KANK1: variants seen among roughly 807,000 people sequenced by gnomAD.
KANK1 encodes KN motif and ankyrin repeat domains 1.
KANK1 carries 109 observed loss-of-function variants against 106.2 expected under a neutral mutation model. That is an observed-to-expected ratio of 1.03 (90% CI 0.88 to 1.20). The LOEUF (loss-of-function observed/expected upper bound fraction) is 1.20. KANK1 is among the 50% of genes most tolerant of loss of function. The pLI is 0.00. For synonymous variants in KANK1, 873 were observed against 652.2 expected, an observed-to-expected ratio of 1.34 and a Z score of -5.16; for missense variants, 2,399 against 1,710.7, an observed-to-expected ratio of 1.40 and a Z score of -7.10.
intron 1 of KANK1, among the ~76,000 whole-genome samples, chr9:599,012 T>C (rs912085977): frequency 4.3e-5 from 6 of 140,512 alleles, no homozygotes; most frequent in Non-Finnish European, 7.8e-5. Flanking sequence ...TTTGTATTTA[T>C]TATTATTATT....
intron 2 of KANK1, among the ~76,000 whole-genome samples, chr9:701,086 T>C (rs1409692425): frequency 2.0e-5 from 3 of 152,170 alleles, no homozygotes; most frequent in African/African-American, 7.2e-5. Flanking sequence ...CGTAGTGTTA[T>C]TGGCCCCAAT....
intron 2 of KANK1, among the ~76,000 whole-genome samples, chr9:707,432 C>T (rs1824670481): frequency 6.6e-6 from 1 of 152,282 alleles, no homozygotes; most frequent in Non-Finnish European, 1.5e-5. Context: ...ATCAGCCTGC[C>T]TGACAGCCAA....
At chr9:569,602 C>T (rs903224) in intron 1 of KANK1, among the ~76,000 whole-genome samples, 94,833 of 151,908 alleles carry the variant, frequency 0.62, 30,471 homozygotes, top group South Asian at 0.74. Context: ...AATACCTTTT[C>T]TGTATAAATT....
intron 1 of KANK1, among the ~76,000 whole-genome samples, chr9:586,218 A>G (rs888412156): frequency 1.3e-5 from 2 of 152,248 alleles, no homozygotes; most frequent in Non-Finnish European, 2.9e-5. Context: ...ATTCATGCCC[A>G]GTGACATCTG....
intron 1 of KANK1, among the ~76,000 whole-genome samples, chr9:515,027 T>C (rs1393152861): frequency 6.6e-6 from 1 of 151,830 alleles, no homozygotes; most frequent in African/African-American, 2.4e-5. Flanking sequence ...CTTTTTATTT[T>C]ATTGCATAGC....
chr9:597,139 G>T (rs577520039), intron 1 of KANK1, among the ~76,000 whole-genome samples: 7 of 151,758 alleles, frequency 4.6e-5, no homozygotes, highest in African/African-American at 7.3e-5. Context: ...ATAGATTTTT[G>T]ATTTTTTCCC....
At chr9:580,695 C>A (rs1821860229) in intron 1 of KANK1, among the ~76,000 whole-genome samples, 1 of 152,262 alleles carries the variant, frequency 6.6e-6, no homozygotes, top group African/African-American at 2.4e-5. Context: ...ACTCAGGAGT[C>A]CAGCTGGCTT....
chr9:716,459 A>G (rs1827716603), intron 3 of KANK1, among the ~76,000 whole-genome samples: 1 of 152,230 alleles, frequency 6.6e-6, no homozygotes, highest in Non-Finnish European at 1.5e-5. Flanking sequence ...ATTCTGGGTG[A>G]TGCCCCTACC....
rs114625699 is a variant in KANK1 at position 740,847 on chromosome 9, G to A, written c.3609G>A (p.Ala1203=). 4,004 of 1,613,944 alleles carry A rather than the reference G, an allele frequency of 2.5e-3. 4 individuals are homozygous for A. Among genetic ancestry groups the A allele is most frequent in the Middle Eastern group, 4.0e-3 (24 of 6,062 alleles). The part of the protein sequence containing the change: ...NKAGYTPIML[A]ALAAVEAEKD... Reference sequence around the variant, plus strand: ...CAGGCTACACCCCCATCATGTTGGCGGCCCTCGCCGCTGTGGAAGCAGAGA... The same window carrying A: ...CAGGCTACACCCCCATCATGTTGGCAGCCCTCGCCGCTGTGGAAGCAGAGA... The change falls in exon 9 of 12, where the codon GCG becomes GCA. Residue 1203 remains alanine (A), a synonymous_variant. Transcript: ENST00000382297.
At position 623,612 on chromosome 9, in the gene KANK1, A is replaced by G. The variant is rs536722150; in HGVS notation, c.-83-53278A>G. 2.1e-3 allele frequency among the ~76,000 whole-genome samples: 312 copies of G among 151,954 alleles called. 1 individual carries two copies. Among genetic ancestry groups the G allele is most frequent in the African/African-American group, 7.2e-3 (299 of 41,470 alleles). On this transcript the variant is annotated intron_variant, in intron 1 of 11. Transcript: ENST00000382297. ...AGAGTGAGATTGTGTCTCAAAAAAA[A>G]AAAAGAAAAAGAAAAAAAAAAGAAA...
At chr9:517,248 C>G (rs2059323592) in intron 1 of KANK1, among the ~76,000 whole-genome samples, 3 of 151,604 alleles carry the variant, frequency 2.0e-5, no homozygotes, top group Non-Finnish European at 2.9e-5. Flanking sequence ...GGAGTACAGG[C>G]ATGCACCACC....
At chr9:684,595 C>G in intron 2 of KANK1, 1 of 985,030 alleles carries the variant, frequency 1.0e-6, no homozygotes, top group Non-Finnish European at 1.2e-6. Context: ...GCATTTATTT[C>G]TGATTATGCA....
intron 3 of KANK1, among the ~76,000 whole-genome samples, chr9:727,727 TGTGG>T (rs1831121886): frequency 6.6e-6 from 1 of 152,070 alleles, no homozygotes; most frequent in African/African-American, 2.4e-5. Context: ...TATGTGTGTG[TGTGG>T]TAATGTATTT....
chr9:670,541 GTGGTA>G, intron 1 of KANK1, among the ~76,000 whole-genome samples: 1 of 152,248 alleles, frequency 6.6e-6, no homozygotes, highest in Non-Finnish European at 1.5e-5. Flanking sequence ...AGCTATCCCT[GTGGTA>G]TGGAAAGGCT....
chr9:662,888 C>T (rs143195471), intron 1 of KANK1, among the ~76,000 whole-genome samples: 1,694 of 152,268 alleles, frequency 0.011, 45 homozygotes, highest in African/African-American at 0.039. Flanking sequence ...TCTCAAACTC[C>T]TGACCTCAGG....
chr9:535,680 A>G (rs1288649762), intron 1 of KANK1, among the ~76,000 whole-genome samples: 5 of 152,174 alleles, frequency 3.3e-5, no homozygotes, highest in Non-Finnish European at 7.4e-5. Flanking sequence ...TTGGAGCTCC[A>G]CTTGCTTGGT....
intron 1 of KANK1, among the ~76,000 whole-genome samples, chr9:648,408 A>G (rs1840188992): frequency 6.6e-6 from 1 of 152,172 alleles, no homozygotes; most frequent in African/African-American, 2.4e-5. Flanking sequence ...GTATATGTAT[A>G]AGATTTGCCA....
intron 1 of KANK1, among the ~76,000 whole-genome samples, chr9:505,434 C>T (rs1256565170): frequency 6.6e-6 from 1 of 152,218 alleles, no homozygotes; most frequent in Non-Finnish European, 1.5e-5. Context: ...CCCGCGGTTC[C>T]AGGTCGAGGG....
chr9:681,720 C>G (rs1016206518), intron 2 of KANK1, among the ~76,000 whole-genome samples: 1 of 152,148 alleles, frequency 6.6e-6, no homozygotes, highest in African/African-American at 2.4e-5. Flanking sequence ...CCCAGGTACC[C>G]TCATGTCAGG....
Sources: gnomAD v4.1 joint callset for allele counts (sites outside exome capture counted in the v4.1 genomes callset) on GRCh38, gnomAD v4.1.1 for gene constraint, MANE v1.5 for transcripts, NCBI Gene and HGNC (gene_info 2026-07-23, HGNC 2026-07-21) for gene names.